Variants in OSBP2 observed in about 807,000 individuals in gnomAD.
OSBP2 encodes oxysterol binding protein 2.
Under a neutral mutation model 96.0 loss-of-function variants are expected in OSBP2, and 66 were observed. That is an observed-to-expected ratio of 0.69 (90% CI 0.56 to 0.84). The LOEUF (loss-of-function observed/expected upper bound fraction) is 0.84. Among genes scored for constraint, OSBP2 ranks in the 40% least tolerant of loss-of-function variants. The probability of loss-of-function intolerance (pLI) is 0.00; values close to 1 mark genes in which losing one functional copy is unlikely to be tolerated. For synonymous variants in OSBP2, 525 were observed against 520.9 expected (o/e 1.01, Z -0.11); for missense variants, 1,038 against 1,222.7 (o/e 0.85, Z 2.25).
intron 2 of OSBP2, among the ~76,000 whole-genome samples, chr22:30,809,272 C>T (rs1388609149): frequency 6.6e-6 from 1 of 152,204 alleles, no homozygotes; most frequent in African/African-American, 2.4e-5. Context: ...AAGACTCCTT[C>T]CCAGCCCAGG....
chr22:30,820,400 T>A lies in OSBP2; in HGVS notation c.854-50029T>A, dbSNP rs530538019. On this transcript the variant is annotated intron_variant, in intron 2 of 13. Coordinates refer to ENST00000332585, the MANE Select transcript of OSBP2 (RefSeq NM_030758.4). ...TAAGACCCCATCTCTAAAAAAAAAA[T>A]AAAATTTTAAAAATAAAATTAAAAA... is the stretch of plus-strand genomic sequence containing the variant. Among the ~76,000 whole-genome samples, 886 of 144,714 alleles carry A rather than the reference T, an allele frequency of 6.1e-3. 6 individuals are homozygous for A. Among genetic ancestry groups the A allele is most frequent in the Middle Eastern group, 0.027 (8 of 294 alleles). 94.9% of individuals were successfully genotyped at this position (144,714 alleles called of 152,430 possible). A position where few individuals can be genotyped will look rare whatever the true frequency, so the allele number is the denominator to read the frequency against.
intron 2 of OSBP2, among the ~76,000 whole-genome samples, chr22:30,788,253 A>G (rs1162796954): frequency 1.3e-5 from 2 of 152,196 alleles, no homozygotes; most frequent in African/African-American, 4.8e-5. Flanking sequence ...AGGAAGAGGA[A>G]GAGGACGGGA....
rs144379746 is a variant in OSBP2 at position 30,729,193 on chromosome 22, A to G, written c.645-11968A>G. Among the ~76,000 whole-genome samples the G allele has an allele frequency of 1.1e-4, 17 of 152,318 alleles. No homozygotes were observed. The East Asian group carries it at 3.3e-3, about 29-fold the overall frequency. ...TAGTATAAAGGTTCCCCAAAAAATT[A>G]AAAATAGAACTACCATATGATCCAG... On this transcript the variant is annotated intron_variant, in intron 1 of 13. Transcript: ENST00000332585.
intron 2 of OSBP2, among the ~76,000 whole-genome samples, chr22:30,760,164 G>A (rs894387537): frequency 8.3e-5 from 12 of 144,476 alleles, no homozygotes; most frequent in Middle Eastern, 4.1e-3. Flanking sequence ...CACTGCACCC[G>A]GCTTTTTTTT....
At chr22:30,830,712 T>A (rs1324638135) in intron 2 of OSBP2, among the ~76,000 whole-genome samples, 1 of 152,240 alleles carries the variant, frequency 6.6e-6, no homozygotes, top group African/African-American at 2.4e-5. Flanking sequence ...CAATCTTCTG[T>A]GCCCTAGGCA....
chr22:30,695,152 A>T lies in OSBP2; in HGVS notation c.243A>T (p.Glu81Asp), dbSNP rs13053290. The T allele has an allele frequency of 5.0e-6, 8 of 1,608,606 alleles. No individual in the cohort carries two copies. The highest frequency in any genetic ancestry group is 5.9e-6 in the Non-Finnish European group (7 of 1,176,940). The change falls in exon 1 of 14, where the codon GAA becomes GAT. Residue 81 changes from glutamate to aspartate, a missense_variant. Coordinates refer to ENST00000332585, the MANE Select transcript of OSBP2 (RefSeq NM_030758.4). ...EAVSEAVPRS[E>D]PVSETTSEPE... ...TTTCGGAGGCAGTGCCAAGATCGGA[A>T]CCTGTGTCCGAGACGACGTCTGAGC...
rs1330057500 is a variant in OSBP2 at position 30,695,310 on chromosome 22, C to T, written c.401C>T (p.Ala134Val). ...CCGCTCTCCCGGGCGGTGGGGAGCG[C>T]GACCTTTCTCAGACCCGAGTCAGGA... ...SEPLSRAVGS[A>V]TFLRPESGSL... is the part of the protein sequence containing the mutation. Residue 134 changes from alanine to valine, a missense_variant, in exon 1 of 14, where the codon GCG becomes GTG. Physicochemically the swap from Ala to Val is moderately conservative, Grantham distance 64 (BLOSUM62 0). Coordinates refer to ENST00000332585, the MANE Select transcript of OSBP2 (RefSeq NM_030758.4). The T allele has an allele frequency of 1.9e-6, 3 of 1,613,470 alleles. No homozygotes were observed. Among genetic ancestry groups the T allele is most frequent in the East Asian group, 2.2e-5 (1 of 44,874 alleles).
At chr22:30,783,747 G>A (rs78063781) in intron 2 of OSBP2, among the ~76,000 whole-genome samples, 2 of 152,230 alleles carry the variant, frequency 1.3e-5, no homozygotes, top group South Asian at 2.1e-4. Context: ...CGCAACTTAC[G>A]GCGATTTCTT....
chr22:30,745,856 A>G (rs552528275), intron 2 of OSBP2, among the ~76,000 whole-genome samples: 2 of 152,264 alleles, frequency 1.3e-5, no homozygotes, highest in East Asian at 3.9e-4. Context: ...AAGTGGGAAC[A>G]TTACTAATGA....
chr22:30,761,743 T>C (rs2090206700), intron 2 of OSBP2, among the ~76,000 whole-genome samples: 2 of 152,270 alleles, frequency 1.3e-5, no homozygotes, highest in South Asian at 4.1e-4. Flanking sequence ...GAGATAGACA[T>C]ATACATTAAT....
intron 2 of OSBP2, among the ~76,000 whole-genome samples, chr22:30,755,786 T>C (rs773098693): frequency 3.3e-5 from 5 of 152,174 alleles, no homozygotes; most frequent in Non-Finnish European, 7.4e-5. Context: ...ACTGGTCGAT[T>C]GTGCCCCTCT....
intron 2 of OSBP2, among the ~76,000 whole-genome samples, chr22:30,823,703 T>TC (rs1165549598): frequency 6.6e-6 from 1 of 152,134 alleles, no homozygotes; most frequent in East Asian, 1.9e-4. Flanking sequence ...CCATATGAGG[T>TC]CTTAGGGTGT....
At chr22:30,822,535 C>T (rs2038297896) in intron 2 of OSBP2, 6 of 1,380,978 alleles carry the variant, frequency 4.3e-6, no homozygotes, top group Non-Finnish European at 5.6e-6. Context: ...CCGCCTCCGC[C>T]GGGCGGCCCA....
chr22:30,767,570 A>G (rs892831337), intron 2 of OSBP2, among the ~76,000 whole-genome samples: 8 of 150,642 alleles, frequency 5.3e-5, no homozygotes, highest in Non-Finnish European at 1.0e-4. Flanking sequence ...TAACATAACC[A>G]AAGTGCTATG....
intron 12 of OSBP2, 117 bp downstream of exon 12, chr22:30,894,118 G>A: frequency 1.3e-6 from 1 of 795,548 alleles, no homozygotes; most frequent in Non-Finnish European, 2.0e-6. Context: ...CATGGGCAGA[G>A]AACAGTATTA....
chr22:30,861,438 C>T (rs1201694928), intron 2 of OSBP2, among the ~76,000 whole-genome samples: 1 of 152,214 alleles, frequency 6.6e-6, no homozygotes, highest in Non-Finnish European at 1.5e-5. Context: ...ACTTAGCACT[C>T]GCTGCAGCAG....
chr22:30,862,765 C>A (rs1164924573), intron 2 of OSBP2, among the ~76,000 whole-genome samples: 3 of 150,980 alleles, frequency 2.0e-5, no homozygotes, highest in Non-Finnish European at 4.4e-5. Context: ...CAAGGTCAGG[C>A]GTTCCTGACC....
intron 1 of OSBP2, among the ~76,000 whole-genome samples, chr22:30,730,535 T>C (rs993284223): frequency 3.3e-5 from 5 of 151,814 alleles, no homozygotes; most frequent in African/African-American, 9.7e-5. Flanking sequence ...AGTTCCTTTA[T>C]ATAGTAGCCC....
At chr22:30,704,023 C>T (rs920003791) in intron 1 of OSBP2, among the ~76,000 whole-genome samples, 2 of 152,144 alleles carry the variant, frequency 1.3e-5, no homozygotes, top group East Asian at 1.9e-4. Flanking sequence ...ATGAACAGCA[C>T]GAGGATTCAA....
Sources: gnomAD v4.1 joint callset for allele counts (sites outside exome capture counted in the v4.1 genomes callset) on GRCh38, gnomAD v4.1.1 for gene constraint, MANE v1.5 for transcripts, NCBI Gene and HGNC (gene_info 2026-07-23, HGNC 2026-07-21) for gene names.